ACTN1: variants seen among roughly 807,000 people sequenced by gnomAD.
ACTN1 encodes the protein actinin alpha 1, also known as alpha-actinin-1.
ACTN1 carries 30 observed loss-of-function variants against 119.6 expected under a neutral mutation model. The observed-to-expected ratio is 0.25, with a 90% CI of 0.19 to 0.34. ACTN1 has a LOEUF of 0.34. Ranked by LOEUF, ACTN1 falls within the 10% of genes least tolerant of loss-of-function variation. The probability of loss-of-function intolerance (pLI) is 1.00; values close to 1 mark genes in which losing one functional copy is unlikely to be tolerated. For synonymous variants in ACTN1, 429 were observed against 472.6 expected (o/e 0.91, Z 1.20); for missense variants, 764 against 1,223.4 (o/e 0.62, Z 5.60).
rs1185403599 is a variant in ACTN1, at chr14:68,879,159, G to A, written c.2281-90C>T. On this transcript the variant is annotated intron_variant, in intron 18 of 21. Transcript: ENST00000394419. The surrounding 1 kb of genome is among the most constrained non-coding windows in gnomAD (Gnocchi z 4.9). ...CATGCCCCGGGGGAGGGTGGCGTGT[G>A]TGGGGAGACACAGGGACAGGCATGC... 1.9e-5 allele frequency: 17 copies of A among 885,940 alleles called. No individual in the cohort carries two copies. The highest frequency in any genetic ancestry group is 2.2e-5 in the Non-Finnish European group (14 of 637,380). 54.9% of individuals were successfully genotyped at this position (885,940 alleles called of 1,614,324 possible).
Position 68,890,274 on chromosome 14 carries a change from C to G in ACTN1, c.1099G>C (p.Ala367Pro), listed in dbSNP as rs1424417012. The G allele has an allele frequency of 1.2e-6, 2 of 1,614,052 alleles. No homozygotes were observed. Among genetic ancestry groups the G allele is most frequent in the African/African-American group, 2.7e-5 (2 of 74,920 alleles). Residue 367 changes from alanine to proline, a missense_variant, in exon 11 of 22, where the codon GCC (alanine) becomes CCC (proline). Ala to Pro is a conservative substitution (Grantham distance 27). This residue lies in a region of ACTN1 where 544 missense variants were observed against 912.0 expected (regional missense o/e 0.60). Coordinates refer to ENST00000394419, the MANE Select transcript of ACTN1 (RefSeq NM_001130004.2). ...EGRMVSDINNAWGCLEQVEKG... is the reference protein window; with the variant it reads ...EGRMVSDINNPWGCLEQVEKG... ...TCCACCTGCTCCAGGCAGCCCCAGG[C>G]ATTGTTGATGTCCTGTGGGGATGGG...
chr14:68,888,123 C>T (rs1321839673), intron 11 of ACTN1: 2 of 598,610 alleles, frequency 3.3e-6, no homozygotes, highest in Non-Finnish European at 6.2e-6. Flanking sequence ...TGTCTGCGGG[C>T]CGCGGCATGC....
At chr14:68,948,449 G>A (rs2140522830) in intron 1 of ACTN1, among the ~76,000 whole-genome samples, 1 of 152,228 alleles carries the variant, frequency 6.6e-6, no homozygotes, top group East Asian at 1.9e-4. Flanking sequence ...ATGGTGGCGA[G>A]CGCCTGTAAT....
chr14:68,963,006 C>A (rs1303973077), intron 1 of ACTN1, among the ~76,000 whole-genome samples: 1 of 152,198 alleles, frequency 6.6e-6, no homozygotes, highest in Non-Finnish European at 1.5e-5. Context: ...ATCTTTCACT[C>A]CAGCTGCACC....
intron 7 of ACTN1, among the ~76,000 whole-genome samples, chr14:68,903,385 A>G (rs1006260911): frequency 6.6e-6 from 1 of 152,196 alleles, no homozygotes; most frequent in Non-Finnish European, 1.5e-5. Flanking sequence ...TCTACTAAAA[A>G]TATAAAAATT....
chr14:68,902,103 T>C (rs113563819), intron 8 of ACTN1, among the ~76,000 whole-genome samples: 3,733 of 152,284 alleles, frequency 0.025, 57 homozygotes, highest in Middle Eastern at 0.085. Flanking sequence ...CTCCAGCTGC[T>C]CTATCGAGCC....
At chr14:68,944,109 A>G (rs992441614) in intron 1 of ACTN1, among the ~76,000 whole-genome samples, 2 of 152,216 alleles carry the variant, frequency 1.3e-5, no homozygotes, top group Admixed American at 6.5e-5. Flanking sequence ...CAGCCACGAG[A>G]GGAGGCTGTG....
intron 1 of ACTN1, among the ~76,000 whole-genome samples, chr14:68,968,236 C>T (rs541583785): frequency 1.2e-4 from 18 of 152,292 alleles, no homozygotes; most frequent in African/African-American, 3.1e-4. Flanking sequence ...TGAACACTGG[C>T]GGGGTGCAGG....
intron 8 of ACTN1, among the ~76,000 whole-genome samples, chr14:68,894,426 C>A (rs1294682011): frequency 6.6e-6 from 1 of 152,182 alleles, no homozygotes; most frequent in East Asian, 1.9e-4. Flanking sequence ...GCTGGGCTAG[C>A]AGGGACCCAA....
At chr14:68,923,065 C>A (rs1003243539) in intron 2 of ACTN1, among the ~76,000 whole-genome samples, 1 of 152,198 alleles carries the variant, frequency 6.6e-6, no homozygotes, top group South Asian at 2.1e-4. Context: ...TGCACAGGTC[C>A]CCTGGGCACA....
chr14:68,923,343 AG>A (rs1566641507), intron 2 of ACTN1, among the ~76,000 whole-genome samples: 3 of 152,044 alleles, frequency 2.0e-5, no homozygotes, highest in African/African-American at 4.8e-5. Context: ...CTGGGCAGGT[AG>A]GGGGGTGGTG....
intron 1 of ACTN1, chr14:68,978,278 A>G (rs1419247786): frequency 4.4e-6 from 2 of 453,768 alleles, no homozygotes; most frequent in Admixed American, 2.4e-5. Context: ...ACAGCTTCCA[A>G]CCCACTGAGT....
At chr14:68,921,175 G>T in intron 2 of ACTN1, 50 bp from the exon 3 acceptor site, 1 of 1,604,674 alleles carries the variant, frequency 6.2e-7, no homozygotes, top group Admixed American at 1.7e-5. Context: ...TATGAGCCAG[G>T]GGCCAGAGCT....
At chr14:68,891,223 G>C (rs181482) in intron 10 of ACTN1, among the ~76,000 whole-genome samples, 1 of 152,030 alleles carries the variant, frequency 6.6e-6, no homozygotes, top group Admixed American at 6.5e-5. Context: ...AAAAAGCTGC[G>C]TCATGGCAAA....
At chr14:68,923,675 G>A (rs550070600) in intron 2 of ACTN1, among the ~76,000 whole-genome samples, 1 of 151,940 alleles carries the variant, frequency 6.6e-6, no homozygotes, top group South Asian at 2.1e-4. Context: ...AATAAATAAC[G>A]GCAGAGGAAA....
chr14:68,917,338 C>G (rs1489898939), intron 3 of ACTN1, among the ~76,000 whole-genome samples: 1 of 152,194 alleles, frequency 6.6e-6, no homozygotes, highest in Non-Finnish European at 1.5e-5. Context: ...CTACAGGGTA[C>G]CTATTCTGGG....
At chr14:68,933,854 G>A (rs1451488020) in intron 1 of ACTN1, among the ~76,000 whole-genome samples, 2 of 152,066 alleles carry the variant, frequency 1.3e-5, no homozygotes, top group Non-Finnish European at 2.9e-5. Flanking sequence ...GTACACACCT[G>A]TAGTCCCAGC....
intron 11 of ACTN1, chr14:68,887,943 T>TG (rs113446707): frequency 2.3e-6 from 2 of 873,738 alleles, no homozygotes; most frequent in Non-Finnish European, 3.9e-6. Context: ...TGCACTTTTT[T>TG]GTCTGAAGAT....
intron 1 of ACTN1, among the ~76,000 whole-genome samples, chr14:68,927,837 C>T (rs1414162799): frequency 6.6e-6 from 1 of 152,188 alleles, no homozygotes; most frequent in Non-Finnish European, 1.5e-5. Flanking sequence ...TTTGGTTTTG[C>T]ACATTCTCTC....
Sources: gnomAD v4.1 joint callset for allele counts (sites outside exome capture counted in the v4.1 genomes callset) on GRCh38, gnomAD v4.1.1 for gene constraint, gnomAD v4.1.1 regional missense constraint, Gnocchi (gnomAD v3.1) non-coding constraint, MANE v1.5 for transcripts, NCBI Gene and HGNC (gene_info 2026-07-23, HGNC 2026-07-21) for gene names.